The following SHANK2 variants were observed in gnomAD, a reference collection of about 807,000 sequenced individuals.
The protein encoded by SHANK2 is SH3 and multiple ankyrin repeat domains 2, also known as SH3 and multiple ankyrin repeat domains protein 2.
Under a neutral mutation model 133.7 loss-of-function variants are expected in SHANK2, and 43 were observed. The observed-to-expected ratio is 0.32, with a 90% CI of 0.25 to 0.41. The LOEUF (loss-of-function observed/expected upper bound fraction) is 0.41. SHANK2 is among the 10% of genes least tolerant of loss of function. SHANK2 has a pLI of 1.00. For missense variants in SHANK2, 1,994 were observed against 2,235.8 expected, an observed-to-expected ratio of 0.89 and a Z score of 2.18; for synonymous variants, 1,017 against 952.8, an observed-to-expected ratio of 1.07 and a Z score of -1.24.
chr11:70,777,353 A>G (rs112288287), intron 14 of SHANK2, among the ~76,000 whole-genome samples: 2 of 150,556 alleles, frequency 1.3e-5, no homozygotes, highest in East Asian at 2.0e-4. Flanking sequence ...CCATCCATTT[A>G]TCTGTCCATC....
At chr11:71,168,572 C>G (rs1394351682) in intron 2 of SHANK2, among the ~76,000 whole-genome samples, 1 of 152,128 alleles carries the variant, frequency 6.6e-6, no homozygotes, top group Admixed American at 6.5e-5. Context: ...TCTGCAATCC[C>G]GGCACTTCAG....
rs12797055 is a variant in SHANK2 at position 70,617,324 on chromosome 11, A to T, written c.2061+42504T>A. Reference sequence around the variant, plus strand: ...GAGAGTATGTGTGTGTGTGTGTGTGAGTGTGTAGTGCATGTACATGCATGT... The same window carrying T: ...GAGAGTATGTGTGTGTGTGTGTGTGTGTGTGTAGTGCATGTACATGCATGT... On this transcript the variant is annotated intron_variant, in intron 17 of 25. Transcript: ENST00000601538. Among the ~76,000 whole-genome samples the T allele has an allele frequency of 3.7e-4, 54 of 145,462 alleles. 1 individual carries two copies. The highest frequency in any genetic ancestry group is 1.2e-3 in the African/African-American group (49 of 40,468).
intron 11 of SHANK2, among the ~76,000 whole-genome samples, chr11:70,821,369 T>G (rs1023018294): frequency 1.2e-4 from 18 of 152,178 alleles, no homozygotes; most frequent in Non-Finnish European, 2.4e-4. Context: ...TGCGATGCCC[T>G]GATCTCAGAC....
intron 14 of SHANK2, among the ~76,000 whole-genome samples, chr11:70,771,461 T>C (rs1555042759): frequency 6.6e-6 from 1 of 152,202 alleles, no homozygotes. Context: ...TCTTCCTGCA[T>C]GAGGACTGCA....
intron 17 of SHANK2, among the ~76,000 whole-genome samples, chr11:70,572,613 C>T (rs960778743): frequency 1.6e-4 from 25 of 152,250 alleles, no homozygotes; most frequent in Admixed American, 6.5e-4. Flanking sequence ...ATTCCACTTC[C>T]GGCTTCACAG....
At chr11:70,924,835 C>T (rs1361430519) in intron 10 of SHANK2, among the ~76,000 whole-genome samples, 1 of 152,178 alleles carries the variant, frequency 6.6e-6, no homozygotes, top group Non-Finnish European at 1.5e-5. Flanking sequence ...AGAAATGGGG[C>T]TTATTTCAGA....
rs539958248 is a variant in SHANK2, at chr11:70,829,618, G to T, written c.1175-8936C>A. ...TTCTCAGCCTGTGCAGGGGTGAGGGGCGGGGCAGGATGAGGCTTTGGACAC... is the reference window on the plus strand; with the variant it reads ...TTCTCAGCCTGTGCAGGGGTGAGGGTCGGGGCAGGATGAGGCTTTGGACAC... On this transcript the variant is annotated intron_variant, in intron 11 of 25. Transcript: ENST00000601538. Among the ~76,000 whole-genome samples, 3 of 49,956 alleles carry T rather than the reference G, an allele frequency of 6.0e-5. No homozygotes were observed. The South Asian group carries it at 3.7e-3, about 61-fold the overall frequency. 32.8% of individuals were successfully genotyped at this position (49,956 alleles called of 152,430 possible). A position where few individuals can be genotyped will look rare whatever the true frequency, so the allele number is the denominator to read the frequency against.
At chr11:70,719,687 T>C (rs1555028511) in intron 14 of SHANK2, among the ~76,000 whole-genome samples, 1 of 151,710 alleles carries the variant, frequency 6.6e-6, no homozygotes, top group African/African-American at 2.4e-5. Flanking sequence ...GGGATTTCAG[T>C]GGGAGGCAGA....
At position 71,252,443 on chromosome 11, in the gene SHANK2, G is replaced by T. The variant is rs1948201131; in HGVS notation, c.-131C>A. 1 of 151,852 alleles carries T rather than the reference G, an allele frequency of 6.6e-6. No homozygotes were observed. Among genetic ancestry groups the T allele is most frequent in the Non-Finnish European group, 1.5e-5 (1 of 67,890 alleles). The allele number at this position is 151,852 out of a possible 1,614,324, so 9.4% of individuals were successfully genotyped here. A position where few individuals can be genotyped will look rare whatever the true frequency, so the allele number is the denominator to read the frequency against. On this transcript the variant is annotated 5_prime_UTR_variant, in exon 1 of 26. Transcript: ENST00000601538. This position sits in a 1 kb window ranked among gnomAD's most constrained non-coding sequence, Gnocchi z 6.3. ...GCCTCACCTGGCTCGGCGAGTCGGG[G>T]GCGGGTCCGAGCCCCCCGGGAGCGC...
chr11:70,745,105 C>A (rs1817618972), intron 14 of SHANK2, among the ~76,000 whole-genome samples: 1 of 152,228 alleles, frequency 6.6e-6, no homozygotes, highest in African/African-American at 2.4e-5. Flanking sequence ...TTGTCATTTT[C>A]ACCCCAATTT....
intron 9 of SHANK2, among the ~76,000 whole-genome samples, chr11:71,057,759 G>A (rs1950937539): frequency 6.7e-6 from 1 of 149,136 alleles, no homozygotes; most frequent in South Asian, 2.1e-4. Context: ...ATATTGCCCA[G>A]GCTAGTCTCG....
intron 2 of SHANK2, among the ~76,000 whole-genome samples, chr11:71,164,644 C>T (rs571088491): frequency 7.9e-5 from 12 of 152,174 alleles, no homozygotes; most frequent in Non-Finnish European, 1.6e-4. Flanking sequence ...CTCTATGGAG[C>T]GATGAAATGT....
chr11:70,881,494 G>A (rs1378661926), intron 11 of SHANK2, among the ~76,000 whole-genome samples: 7 of 151,212 alleles, frequency 4.6e-5, no homozygotes, highest in Non-Finnish European at 7.4e-5. Context: ...GTAGAAGGAT[G>A]ACTTGAGCTC....
At chr11:70,669,640 C>A (rs1451098118) in intron 15 of SHANK2, 2 of 152,622 alleles carry the variant, frequency 1.3e-5, no homozygotes, top group Non-Finnish European at 2.9e-5. Context: ...AATGTGTCTG[C>A]AACCTGAAAA....
intron 17 of SHANK2, among the ~76,000 whole-genome samples, chr11:70,602,323 G>A (rs2060510221): frequency 6.6e-6 from 1 of 152,180 alleles, no homozygotes; most frequent in Admixed American, 6.5e-5. Context: ...AACACAAGAA[G>A]GGCCTAATGC....
intron 10 of SHANK2, among the ~76,000 whole-genome samples, chr11:70,918,387 C>T (rs1950299132): frequency 6.6e-6 from 1 of 152,230 alleles, no homozygotes; most frequent in Admixed American, 6.5e-5. Context: ...CACAAGGTCA[C>T]CCAGCACCCA....
intron 1 of SHANK2, among the ~76,000 whole-genome samples, chr11:71,230,032 T>C (rs1452211805): frequency 6.6e-6 from 1 of 152,106 alleles, no homozygotes; most frequent in Non-Finnish European, 1.5e-5. Flanking sequence ...ATGGACAAGA[T>C]TATTCAGCAC....
At chr11:70,522,656 G>T (rs2059345325) in intron 17 of SHANK2, among the ~76,000 whole-genome samples, 1 of 152,204 alleles carries the variant, frequency 6.6e-6, no homozygotes, top group Non-Finnish European at 1.5e-5. Flanking sequence ...CAGCTCCGCG[G>T]GCTGGCCGGC....
chr11:70,885,701 A>T (rs1432747034), intron 11 of SHANK2, among the ~76,000 whole-genome samples: 1 of 152,124 alleles, frequency 6.6e-6, no homozygotes, highest in East Asian at 1.9e-4. Context: ...TCAGGACAAA[A>T]TCCACAATTG....
Sources: allele counts gnomAD v4.1 joint callset (sites outside exome capture counted in the v4.1 genomes callset), GRCh38; gene constraint gnomAD v4.1.1; non-coding constraint Gnocchi (gnomAD v3.1); transcripts MANE v1.5; gene names NCBI Gene and HGNC (gene_info 2026-07-23, HGNC 2026-07-21).